The following DLG2 variants were observed in gnomAD, a reference collection of about 807,000 sequenced individuals.
DLG2 encodes the protein discs large MAGUK scaffold protein 2, also known as disks large homolog 2.
DLG2 carries 45 observed loss-of-function variants against 132.5 expected under a neutral mutation model. The ratio of observed to expected loss-of-function variants is 0.34; its 90% CI spans 0.27 to 0.44. The LOEUF (loss-of-function observed/expected upper bound fraction) is 0.44. DLG2 is among the 20% of genes least tolerant of loss of function. The probability of loss-of-function intolerance (pLI) is 1.00; values close to 1 mark genes in which losing one functional copy is unlikely to be tolerated. For missense variants in DLG2, 1,045 were observed against 1,196.9 expected, an observed-to-expected ratio of 0.87 and a Z score of 1.87; for synonymous variants, 424 against 419.6, an observed-to-expected ratio of 1.01 and a Z score of -0.13.
intron 21 of DLG2, among the ~76,000 whole-genome samples, chr11:83,518,978 G>A (rs1028262955): frequency 2.6e-5 from 4 of 152,200 alleles, no homozygotes; most frequent in Admixed American, 2.0e-4. Context: ...GTACAGCTGA[G>A]CACTGTGCAA....
At chr11:85,000,777 A>G (rs1166303957) in intron 6 of DLG2, among the ~76,000 whole-genome samples, 2 of 152,290 alleles carry the variant, frequency 1.3e-5, no homozygotes, top group East Asian at 1.9e-4. Flanking sequence ...GAGCAAGGGC[A>G]TTGCTTCACC....
intron 3 of DLG2, among the ~76,000 whole-genome samples, chr11:85,341,835 C>T (rs1189585668): frequency 2.6e-5 from 4 of 152,082 alleles, no homozygotes; most frequent in Non-Finnish European, 4.4e-5. Context: ...GCTTATTGCT[C>T]GTAGGCTACA....
At position 84,834,717 on chromosome 11, in the gene DLG2, G is replaced by A. The variant is rs144264355; in HGVS notation, c.357+276944C>T. Among the ~76,000 whole-genome samples the A allele has an allele frequency of 5.7e-3, 862 of 150,806 alleles. 5 individuals are homozygous for A. The highest frequency in any genetic ancestry group is 0.031 in the Middle Eastern group (9 of 294). The stretch of plus-strand genomic sequence containing the variant: ...AATAAGTCATTACCATAACTTCATA[G>A]GAGAGCTGCTGTAAGATACACTGTA... On this transcript the variant is annotated intron_variant, in intron 6 of 27. Coordinates refer to ENST00000376104, the MANE Select transcript of DLG2 (RefSeq NM_001142699.3).
intron 6 of DLG2, among the ~76,000 whole-genome samples, chr11:84,915,560 C>T (rs960094816): frequency 7.2e-5 from 11 of 152,182 alleles, no homozygotes; most frequent in African/African-American, 2.7e-4. Flanking sequence ...GTTTTCCAAA[C>T]TTGTCTTATG....
chr11:84,534,690 G>A lies in DLG2; in HGVS notation c.399C>T (p.Ser133=). The A allele has an allele frequency of 6.2e-7, 1 of 1,614,034 alleles. No individual in the cohort carries two copies. ...TTACTTCGTGGGTTAGTCGAGGTAA[G>A]GAATGATCATGTGGAGCGTCCTCAT... ...YQDEDAPHDH[S]LPRLTHEVRG... The change falls in exon 7 of 28, where the codon TCC becomes TCT. Residue 133 remains serine (S), a synonymous_variant. Transcript: ENST00000376104.
At chr11:83,853,659 A>G (rs551776878) in intron 16 of DLG2, among the ~76,000 whole-genome samples, 3 of 152,176 alleles carry the variant, frequency 2.0e-5, no homozygotes, top group Admixed American at 2.0e-4. Flanking sequence ...AGTGTCTGAT[A>G]TCTAAAAAGT....
chr11:85,465,157 T>TTTGAAACAGGGTC (rs2092744338), intron 3 of DLG2, among the ~76,000 whole-genome samples: 1 of 143,530 alleles, frequency 7.0e-6, no homozygotes, highest in African/African-American at 2.6e-5. Context: ...ATTTTTTTTT[T>TTTGAAACAGGGTC]TTTGAAACAG....
At chr11:83,816,640 C>A (rs1331824882) in intron 17 of DLG2, among the ~76,000 whole-genome samples, 2 of 152,068 alleles carry the variant, frequency 1.3e-5, no homozygotes, top group African/African-American at 4.8e-5. Context: ...ATTATAACTA[C>A]TAAACCCATA....
At chr11:83,475,610 A>C (rs1376552257) in intron 22 of DLG2, among the ~76,000 whole-genome samples, 6 of 151,904 alleles carry the variant, frequency 3.9e-5, no homozygotes, top group Admixed American at 1.3e-4. Context: ...ATGAAGAAAA[A>C]ATTGAAGAGA....
intron 11 of DLG2, among the ~76,000 whole-genome samples, chr11:83,994,147 T>C (rs559454006): frequency 2.0e-5 from 3 of 152,152 alleles, no homozygotes; most frequent in Admixed American, 6.6e-5. Flanking sequence ...ATTTTCTACA[T>C]AGAATTAGAA....
intron 6 of DLG2, among the ~76,000 whole-genome samples, chr11:84,905,901 C>A (rs757309305): frequency 2.6e-5 from 4 of 152,186 alleles, no homozygotes; most frequent in African/African-American, 7.2e-5. Flanking sequence ...TACAGTTTAA[C>A]ATGTTCCTAA....
At chr11:85,036,847 A>G (rs1437208928) in intron 6 of DLG2, among the ~76,000 whole-genome samples, 7 of 152,190 alleles carry the variant, frequency 4.6e-5, no homozygotes, top group African/African-American at 1.7e-4. Flanking sequence ...GGATGTATCA[A>G]GGCACTTCAT....
chr11:85,242,244 T>C (rs1344865745), intron 4 of DLG2, among the ~76,000 whole-genome samples: 2 of 152,048 alleles, frequency 1.3e-5, no homozygotes, highest in Admixed American at 6.6e-5. Context: ...AGTGTTACTA[T>C]TGACAAATCT....
At chr11:85,161,865 G>A (rs10898372) in intron 4 of DLG2, among the ~76,000 whole-genome samples, 89,467 of 152,062 alleles carry the variant, frequency 0.59, 27,339 homozygotes, top group African/African-American at 0.75. Flanking sequence ...AGCATCCAAT[G>A]TATGCTACTA....
rs77794746 is a variant in DLG2, at chr11:83,495,012, A to G, written c.2194-10784T>C. 9.4e-3 allele frequency among the ~76,000 whole-genome samples: 1,436 copies of G among 152,202 alleles called. 16 individuals carry two copies. The highest frequency in any genetic ancestry group is 0.032 in the African/African-American group (1,324 of 41,526). On this transcript the variant is annotated intron_variant, in intron 21 of 27. Coordinates refer to ENST00000376104, the MANE Select transcript of DLG2 (RefSeq NM_001142699.3). ...GATCAGACCCTTTTACATGGTGGCA[A>G]ACACAGCTACCACTGAATCCTAAGC...
chr11:84,124,555 A>T (rs1218829110), intron 9 of DLG2, among the ~76,000 whole-genome samples: 4 of 152,210 alleles, frequency 2.6e-5, no homozygotes, highest in Non-Finnish European at 4.4e-5. Context: ...CTGTCATGAT[A>T]GACGCTTAAC....
At chr11:83,474,700 C>A (rs1192439694) in intron 22 of DLG2, among the ~76,000 whole-genome samples, 1 of 152,086 alleles carries the variant, frequency 6.6e-6, no homozygotes, top group African/African-American at 2.4e-5. Flanking sequence ...ATTCTGATTT[C>A]AGTCATGGGA....
chr11:85,504,300 T>C (rs1373934183), intron 3 of DLG2, among the ~76,000 whole-genome samples: 1 of 152,144 alleles, frequency 6.6e-6, no homozygotes, highest in Non-Finnish European at 1.5e-5. Flanking sequence ...GCCTATGTCC[T>C]GAATGGTATT....
intron 7 of DLG2, among the ~76,000 whole-genome samples, chr11:84,357,867 G>C (rs1176829537): frequency 1.3e-5 from 2 of 151,796 alleles, no homozygotes; most frequent in Non-Finnish European, 2.9e-5. Flanking sequence ...TAGTAGGTAA[G>C]AGTCTCAAAT....
Sources: gnomAD v4.1 joint callset for allele counts (sites outside exome capture counted in the v4.1 genomes callset) on GRCh38, gnomAD v4.1.1 for gene constraint, MANE v1.5 for transcripts, NCBI Gene and HGNC (gene_info 2026-07-23, HGNC 2026-07-21) for gene names.